Variants in CFLAR observed in about 807,000 individuals in gnomAD.
CFLAR encodes CASP8 and FADD like apoptosis regulator, also known as CASP8 and FADD-like apoptosis regulator.
A neutral mutation model predicts 51.1 loss-of-function variants in CFLAR; 14 were observed. The ratio of observed to expected loss-of-function variants is 0.27; its 90% confidence interval spans 0.18 to 0.43. The LOEUF (loss-of-function observed/expected upper bound fraction) is 0.43. Ranked by LOEUF, CFLAR falls within the 20% of genes least tolerant of loss-of-function variation. The pLI, the probability that CFLAR is intolerant of heterozygous loss-of-function variation, is 1.00. For missense variants in CFLAR, 390 were observed against 566.5 expected, an observed-to-expected ratio of 0.69 and a Z score of 3.16; for synonymous variants, 210 against 211.6, an observed-to-expected ratio of 0.99 and a Z score of 0.06.
intron 5 of CFLAR, chr2:201,141,736 C>T: frequency 3.8e-6 from 3 of 794,310 alleles, no homozygotes; most frequent in Non-Finnish European, 3.2e-6. Flanking sequence ...TTGTTGTGTT[C>T]CTAGTACTTA....
At position 201,138,204 on chromosome 2, in the gene CFLAR, C is replaced by A; in HGVS notation, c.523+2097C>A. 1.0e-6 allele frequency: 1 copy of A among 987,982 alleles called. No individual in the cohort carries two copies. Among genetic ancestry groups the A allele is most frequent in the Non-Finnish European group, 1.6e-6 (1 of 613,896 alleles). 61.2% of individuals were successfully genotyped at this position (987,982 alleles called of 1,614,324 possible). A position where few individuals can be genotyped will look rare whatever the true frequency, so the allele number is the denominator to read the frequency against. On this transcript the variant is annotated intron_variant, in intron 4 of 9. Transcript: ENST00000309955. The surrounding 1 kb of genome is among the most constrained non-coding windows in gnomAD (Gnocchi z 4.0). ...GGTTACTTTTGTTTGATGTAATGCA[C>A]CATGGCGATCTGATACACCGAGTTC...
At chr2:201,150,759 C>T (rs1941148951) in intron 8 of CFLAR, among the ~76,000 whole-genome samples, 2 of 152,122 alleles carry the variant, frequency 1.3e-5, no homozygotes. Context: ...ATTTCCACCC[C>T]ATTAGATTGG....
rs1367985739 is a variant in CFLAR at position 201,170,818 on chromosome 2, T to C, written c.*6845T>C. 6.6e-6 allele frequency: 1 copy of C among 152,258 alleles called. No individual in the cohort carries two copies. Among genetic ancestry groups the C allele is most frequent in the Admixed American group, 6.5e-5 (1 of 15,286 alleles). The allele number at this position is 152,258 out of a possible 1,614,324, so 9.4% of individuals were successfully genotyped here. A position where few individuals can be genotyped will look rare whatever the true frequency, so the allele number is the denominator to read the frequency against. ...ATGTTGTGAATATTTTCCTATATTATGAAATATCATTAGCTGAGCTTTTAG... is the reference window on the plus strand; with the variant it reads ...ATGTTGTGAATATTTTCCTATATTACGAAATATCATTAGCTGAGCTTTTAG... On this transcript the variant is annotated 3_prime_UTR_variant, in exon 10 of 10. Transcript: ENST00000309955.
chr2:201,121,690 AGTTTGGC>A (rs781742764), intron 1 of CFLAR, among the ~76,000 whole-genome samples: 18 of 152,238 alleles, frequency 1.2e-4, no homozygotes, highest in Non-Finnish European at 2.1e-4. Context: ...CAAAGGGCCA[AGTTTGGC>A]CCTTTAGTTA....
At position 201,160,949 on chromosome 2, in the gene CFLAR, C is replaced by T; in HGVS notation, c.1304+7C>T. On this transcript the variant is annotated splice_region_variant and intron_variant, in intron 9 of 9. Coordinates refer to ENST00000309955, the MANE Select transcript of CFLAR (RefSeq NM_003879.7). ...AGAAACTGAGACAAGAAAGGTGAGC[C>T]CCCAGGAGGTGGTCAGTTCCGGACC... 1 of 1,605,676 alleles carries T rather than the reference C, an allele frequency of 6.2e-7. No homozygotes were observed. Among genetic ancestry groups the T allele is most frequent in the Non-Finnish European group, 8.5e-7 (1 of 1,173,538 alleles).
In CFLAR at chr2:201,172,355, G is replaced by A. The variant is rs1247620056; in HGVS notation, c.*8382G>A. The A allele has an allele frequency of 6.6e-6, 1 of 152,180 alleles. No individual in the cohort carries two copies. Among genetic ancestry groups the A allele is most frequent in the East Asian group, 1.9e-4 (1 of 5,204 alleles). The allele number at this position is 152,180 out of a possible 1,614,324, so 9.4% of individuals were successfully genotyped here. On this transcript the variant is annotated 3_prime_UTR_variant, in exon 10 of 10. Transcript: ENST00000309955. Reference sequence around the variant, plus strand: ...TTGATATAGTTTTTATATTGGAAGTGTAAGTAGTTTGTGGCATGGGATTGT... The same window carrying A: ...TTGATATAGTTTTTATATTGGAAGTATAAGTAGTTTGTGGCATGGGATTGT...
Position 201,169,451 on chromosome 2 carries a change from A to G in CFLAR, c.*5478A>G, listed in dbSNP as rs1054144931. ...TGACCCCTTCCTTACACCTTATACA[A>G]AAATTAACTCAAGATTAAAGACTTA... On this transcript the variant is annotated 3_prime_UTR_variant, in exon 10 of 10. Transcript: ENST00000309955. 6 of 152,218 alleles carry G rather than the reference A, an allele frequency of 3.9e-5. No individual in the cohort carries two copies. The highest frequency in any genetic ancestry group is 1.3e-4 in the Admixed American group (2 of 15,278). 9.4% of individuals were successfully genotyped at this position (152,218 alleles called of 1,614,324 possible).
At chr2:201,152,247 C>T (rs376319759) in intron 8 of CFLAR, among the ~76,000 whole-genome samples, 1 of 152,144 alleles carries the variant, frequency 6.6e-6, no homozygotes, top group Non-Finnish European at 1.5e-5. Flanking sequence ...CCACCCACCT[C>T]GGCCTCCCAA....
At chr2:201,120,169 T>C (rs2048058231) in intron 1 of CFLAR, among the ~76,000 whole-genome samples, 1 of 151,102 alleles carries the variant, frequency 6.6e-6, no homozygotes, top group Non-Finnish European at 1.5e-5. Flanking sequence ...TACAGGTGTG[T>C]GCCACCACAC....
chr2:201,133,823 C>T (rs868099444), intron 3 of CFLAR, among the ~76,000 whole-genome samples: 14 of 144,186 alleles, frequency 9.7e-5, no homozygotes, highest in Admixed American at 2.9e-4. Flanking sequence ...CCCAGTTACT[C>T]GGGAGGCTGA....
chr2:201,164,006 C>T lies in CFLAR; in HGVS notation c.*33C>T. 6.3e-7 allele frequency: 1 copy of T among 1,586,592 alleles called. No individual in the cohort carries two copies. The highest frequency in any genetic ancestry group is 1.4e-5 in the African/African-American group (1 of 73,886). On this transcript the variant is annotated 3_prime_UTR_variant, in exon 10 of 10. Transcript: ENST00000309955. The stretch of plus-strand genomic sequence containing the variant: ...AAAGGCTGGGCGTAGTGGCTCACAC[C>T]TGTAATCCCAGCACTTTGGGAGGCC...
intron 8 of CFLAR, among the ~76,000 whole-genome samples, chr2:201,159,374 A>G (rs1358598478): frequency 6.6e-6 from 1 of 151,916 alleles, no homozygotes; most frequent in Non-Finnish European, 1.5e-5. Flanking sequence ...CAGTGTCACA[A>G]TGTTGGCTCA....
rs867997525 is a variant in CFLAR, at chr2:201,138,161, C to A, written c.523+2054C>A. The A allele has an allele frequency of 1.3e-5, 12 of 894,056 alleles. No individual in the cohort carries two copies. In the Middle Eastern group the frequency reaches 1.8e-3, roughly 134 times the overall value. The allele number at this position is 894,056 out of a possible 1,614,324, so 55.4% of individuals were successfully genotyped here. A position where few individuals can be genotyped will look rare whatever the true frequency, so the allele number is the denominator to read the frequency against. On this transcript the variant is annotated intron_variant, in intron 4 of 9. Coordinates refer to ENST00000309955, the MANE Select transcript of CFLAR (RefSeq NM_003879.7). The surrounding 1 kb of genome is among the most constrained non-coding windows in gnomAD (Gnocchi z 4.0). Reference sequence around the variant, plus strand: ...CTGGGCTGCTGTCACCACGTTCCCCCCAATCACCTGGAGGTGGGGTTACTT... The same window carrying A: ...CTGGGCTGCTGTCACCACGTTCCCCACAATCACCTGGAGGTGGGGTTACTT...
chr2:201,134,313 A>C (rs940083883), intron 3 of CFLAR, among the ~76,000 whole-genome samples: 25 of 146,680 alleles, frequency 1.7e-4, no homozygotes, highest in African/African-American at 6.3e-4. Flanking sequence ...GTCTCAAAAA[A>C]AAAAATTTTT....
chr2:201,124,269 CTGGT>C lies in CFLAR; in HGVS notation c.-137-5458_-137-5455del, dbSNP rs2048471363. On this transcript the variant is annotated intron_variant, in intron 1 of 9. Coordinates refer to ENST00000309955, the MANE Select transcript of CFLAR (RefSeq NM_003879.7). This position sits in a 1 kb window ranked among gnomAD's most constrained non-coding sequence, Gnocchi z 4.7. ...TAAACTTAACCACATTTGCTGACAC[CTGGT>C]TAGGGCTAATGTGGGTACCAGGGAA... 6.6e-6 allele frequency among the ~76,000 whole-genome samples: 1 copy of C among 152,138 alleles called. No homozygotes were observed. Among genetic ancestry groups the C allele is most frequent in the Admixed American group, 6.6e-5 (1 of 15,258 alleles).
chr2:201,142,373 A>C (rs1299636467), intron 5 of CFLAR, among the ~76,000 whole-genome samples: 1 of 152,058 alleles, frequency 6.6e-6, no homozygotes, highest in Non-Finnish European at 1.5e-5. Flanking sequence ...CTTGGAGAAT[A>C]TGTCTGTAAG....
chr2:201,163,726 A>G, intron 9 of CFLAR, 109 bp from the exon 10 acceptor site: 1 of 1,503,942 alleles, frequency 6.6e-7, no homozygotes, highest in Non-Finnish European at 8.9e-7. Flanking sequence ...GCCTTCAGAA[A>G]GGAACAGTTT....
At chr2:201,121,851 T>G (rs182115767) in intron 1 of CFLAR, among the ~76,000 whole-genome samples, 2 of 152,364 alleles carry the variant, frequency 1.3e-5, no homozygotes, top group East Asian at 1.9e-4. Flanking sequence ...AGTATGCTAT[T>G]CTCTTGAATA....
At chr2:201,123,063 G>T (rs1238353765) in intron 1 of CFLAR, among the ~76,000 whole-genome samples, 2 of 152,192 alleles carry the variant, frequency 1.3e-5, no homozygotes, top group Non-Finnish European at 2.9e-5. Flanking sequence ...TTTAAATTTA[G>T]TTAAGGGCAC....
Sources: gnomAD v4.1 joint callset for allele counts (sites outside exome capture counted in the v4.1 genomes callset) on GRCh38, gnomAD v4.1.1 for gene constraint, Gnocchi (gnomAD v3.1) non-coding constraint, MANE v1.5 for transcripts, NCBI Gene and HGNC (gene_info 2026-07-23, HGNC 2026-07-21) for gene names.